The following DCLK2 variants were observed in gnomAD, a reference collection of about 807,000 sequenced individuals.
DCLK2 encodes doublecortin like kinase 2.
Under a neutral mutation model 78.4 loss-of-function variants are expected in DCLK2, and 31 were observed. That is an observed-to-expected ratio of 0.40 (90% CI 0.30 to 0.53). The LOEUF is 0.53. DCLK2 is among the 20% of genes least tolerant of loss of function. The probability of loss-of-function intolerance (pLI) is 0.61; values close to 1 mark genes in which losing one functional copy is unlikely to be tolerated. For missense variants in DCLK2, 872 were observed against 973.7 expected (o/e 0.90, Z 1.39); for synonymous variants, 407 against 374.9 (o/e 1.09, Z -0.99).
At chr4:150,249,489 G>A (rs1246628263) in intron 14 of DCLK2, 79 bp from the exon 15 acceptor site, 17 of 1,196,324 alleles carry the variant, frequency 1.4e-5, no homozygotes, top group East Asian at 9.3e-5. Context: ...TTGAGGCGGG[G>A]AGGGGGACTC....
chr4:150,128,014 G>GTGTT, intron 2 of DCLK2, among the ~76,000 whole-genome samples: 1 of 152,232 alleles, frequency 6.6e-6, no homozygotes, highest in African/African-American at 2.4e-5. Flanking sequence ...CAGGCATCTA[G>GTGTT]AAATTCGATG....
chr4:150,193,057 C>G, intron 2 of DCLK2, 81 bp from the exon 3 acceptor site: 1 of 847,092 alleles, frequency 1.2e-6, no homozygotes, highest in Non-Finnish European at 1.9e-6. Flanking sequence ...AAAATTCAGG[C>G]TTAAAAATTC....
chr4:150,207,785 A>G (rs1312491505), intron 5 of DCLK2, among the ~76,000 whole-genome samples: 1 of 152,234 alleles, frequency 6.6e-6, no homozygotes, highest in African/African-American at 2.4e-5. Context: ...TTGTTCAAGT[A>G]GTATTAAAGA....
chr4:150,175,112 T>G (rs1318652905), intron 2 of DCLK2, among the ~76,000 whole-genome samples: 4 of 100,438 alleles, frequency 4.0e-5, no homozygotes, highest in African/African-American at 2.0e-4. Context: ...ATTTATATAT[T>G]TATATTTTTT....
Position 150,088,807 on chromosome 4 carries a change from A to AAAAAGATC in DCLK2, c.421+9361_421+9368dup, listed in dbSNP as rs1729831572. Among the ~76,000 whole-genome samples the AAAAAGATC allele has an allele frequency of 2.0e-5, 3 of 152,230 alleles. No individual in the cohort carries two copies. The South Asian group carries it at 6.2e-4, about 31-fold the overall frequency. On this transcript the variant is annotated intron_variant, in intron 1 of 15. Transcript: ENST00000296550. ...GTTTATTCAGCCTCCCCAAGGGGAA[A>AAAAAGATC]AAAAGATCATTCCAGCCCCTTTCAG...
chr4:150,188,257 T>C (rs1738106800), intron 2 of DCLK2, among the ~76,000 whole-genome samples: 1 of 151,958 alleles, frequency 6.6e-6, no homozygotes, highest in South Asian at 2.1e-4. Context: ...GTAGATTGCC[T>C]GAGCCCAGGA....
At chr4:150,185,549 A>G (rs1737864854) in intron 2 of DCLK2, among the ~76,000 whole-genome samples, 1 of 151,962 alleles carries the variant, frequency 6.6e-6, no homozygotes. Context: ...CCCCACCTCT[A>G]CTAAAAGTAC....
chr4:150,100,560 G>C (rs759961936), intron 1 of DCLK2, among the ~76,000 whole-genome samples: 5 of 152,100 alleles, frequency 3.3e-5, no homozygotes, highest in Non-Finnish European at 7.4e-5. Context: ...CTTTTGCTAA[G>C]ATTCTTTTTT....
intron 15 of DCLK2, among the ~76,000 whole-genome samples, chr4:150,251,830 C>T (rs912945909): frequency 6.7e-6 from 1 of 150,266 alleles, no homozygotes; most frequent in African/African-American, 2.5e-5. Context: ...TTCTCAGCAC[C>T]CACTGGGCCG....
At chr4:150,086,259 T>TA (rs1284189550) in intron 1 of DCLK2, among the ~76,000 whole-genome samples, 1 of 152,148 alleles carries the variant, frequency 6.6e-6, no homozygotes. Context: ...GTAGATGCTT[T>TA]AAAAAACCTT....
At chr4:150,122,612 G>A (rs1732633006) in intron 2 of DCLK2, among the ~76,000 whole-genome samples, 2 of 152,184 alleles carry the variant, frequency 1.3e-5, no homozygotes, top group African/African-American at 2.4e-5. Context: ...AGTGGGTGGG[G>A]GGCTAGGGGA....
At chr4:150,091,395 T>C (rs1240025244) in intron 1 of DCLK2, among the ~76,000 whole-genome samples, 1 of 152,256 alleles carries the variant, frequency 6.6e-6, no homozygotes, top group Non-Finnish European at 1.5e-5. Context: ...CTTTCCTTTT[T>C]GTCTTCCTTT....
chr4:150,174,447 A>G (rs1290104265), intron 2 of DCLK2, among the ~76,000 whole-genome samples: 1 of 152,148 alleles, frequency 6.6e-6, no homozygotes, highest in East Asian at 1.9e-4. Context: ...TCCCAGACTA[A>G]TGTTTGTCAG....
intron 7 of DCLK2, among the ~76,000 whole-genome samples, chr4:150,222,473 A>G (rs1741257636): frequency 6.6e-6 from 1 of 152,168 alleles, no homozygotes; most frequent in Non-Finnish European, 1.5e-5. Context: ...TAATCCCTAC[A>G]GCAATCCTCC....
intron 2 of DCLK2, among the ~76,000 whole-genome samples, chr4:150,124,347 T>G (rs1239027491): frequency 6.6e-6 from 1 of 152,132 alleles, no homozygotes; most frequent in Non-Finnish European, 1.5e-5. Context: ...CTTTTTTTGT[T>G]TTGTAGTGGT....
At chr4:150,254,300 C>T (rs1580815330) in intron 15 of DCLK2, 1 of 397,978 alleles carries the variant, frequency 2.5e-6, no homozygotes, top group South Asian at 1.3e-4. Context: ...GGTTTATTGC[C>T]TTAATTTAAG....
At chr4:150,226,402 C>T (rs571361288) in intron 8 of DCLK2, among the ~76,000 whole-genome samples, 1 of 151,958 alleles carries the variant, frequency 6.6e-6, no homozygotes, top group Non-Finnish European at 1.5e-5. Flanking sequence ...ACTGTAATAG[C>T]CTTTTCTCCA....
At chr4:150,222,375 A>C (rs1436601528) in intron 7 of DCLK2, among the ~76,000 whole-genome samples, 4 of 152,178 alleles carry the variant, frequency 2.6e-5, no homozygotes, top group African/African-American at 9.7e-5. Flanking sequence ...GCCAGAGAGG[A>C]ATGAGAAGAA....
chr4:150,234,225 C>T (rs955940196), intron 10 of DCLK2, among the ~76,000 whole-genome samples: 1 of 152,212 alleles, frequency 6.6e-6, no homozygotes, highest in African/African-American at 2.4e-5. Flanking sequence ...TCTTCTTTAA[C>T]ATCACTCTAG....
Sources: allele counts gnomAD v4.1 joint callset (sites outside exome capture counted in the v4.1 genomes callset), GRCh38; gene constraint gnomAD v4.1.1; transcripts MANE v1.5; gene names NCBI Gene and HGNC (gene_info 2026-07-23, HGNC 2026-07-21).